Variants in SLC10A6 observed in about 807,000 individuals in gnomAD.
SLC10A6 encodes the protein solute carrier family 10 member 6, also known as sodium-dependent organic anion transporter.
Under a neutral mutation model 30.0 loss-of-function variants are expected in SLC10A6, and 27 were observed. The observed-to-expected ratio is 0.90, with a 90% CI of 0.66 to 1.24. SLC10A6 has a LOEUF of 1.24. Ranked by LOEUF, SLC10A6 falls within the 50% of genes most tolerant of loss-of-function variation. The pLI, the probability that SLC10A6 is intolerant of heterozygous loss-of-function variation, is 0.00. For missense variants in SLC10A6, 439 were observed against 457.0 expected (o/e 0.96, Z 0.36); for synonymous variants, 166 against 173.8 (o/e 0.95, Z 0.36).
Position 86,848,968 on chromosome 4 carries a change from C to G in SLC10A6, c.148G>C (p.Gly50Arg). The change falls in exon 1 of 6, where the codon GGA (glycine) becomes CGA (arginine). Residue 50 changes from glycine (G) to arginine (R), a missense_variant. By Grantham distance (125) the Gly-to-Arg change is moderately radical (BLOSUM62 -2). Transcript: ENST00000273905. ...VMMGLLMFSLGCSVEIRKLWS... is the reference protein window; with the variant it reads ...VMMGLLMFSLRCSVEIRKLWS... ...AGCTTCCGGATCTCCACGGAACATC[C>G]CAAAGAGAACATGAGCAGCCCCATC... 1 of 1,614,112 alleles carries G rather than the reference C, an allele frequency of 6.2e-7. No homozygotes were observed. Among genetic ancestry groups the G allele is most frequent in the Non-Finnish European group, 8.5e-7 (1 of 1,180,008 alleles).
Position 86,823,515 on chromosome 4 carries a change from A to C in SLC10A6, c.*173T>G, listed in dbSNP as rs1745916881. On this transcript the variant is annotated 3_prime_UTR_variant, in exon 6 of 6. Coordinates refer to ENST00000273905, the MANE Select transcript of SLC10A6 (RefSeq NM_197965.3). Reference sequence around the variant, plus strand: ...CCAGAAGAAACTCCCTGAAATGGGAATCTCCAAAAGTGATCCCATCACAAT... The same window carrying C: ...CCAGAAGAAACTCCCTGAAATGGGACTCTCCAAAAGTGATCCCATCACAAT... 1.9e-6 allele frequency: 1 copy of C among 536,458 alleles called. No homozygotes were observed. Among genetic ancestry groups the C allele is most frequent in the Non-Finnish European group, 3.1e-6 (1 of 317,670 alleles). The allele number at this position is 536,458 out of a possible 1,614,324, so 33.2% of individuals were successfully genotyped here. A position where few individuals can be genotyped will look rare whatever the true frequency, so the allele number is the denominator to read the frequency against.
Position 86,833,317 on chromosome 4 carries a change from T to G in SLC10A6, c.485A>C (p.Tyr162Ser), listed in dbSNP as rs764737716. 3 of 1,612,390 alleles carry G rather than the reference T, an allele frequency of 1.9e-6. No homozygotes were observed. Among genetic ancestry groups the G allele is most frequent in the Non-Finnish European group, 2.5e-6 (3 of 1,178,442 alleles). ...WSLQQNLTIP[Y>S]QNIGITLVCL... ...AGGCCCATACAGACCTATGTTCTGA[T>G]AAGGAATGGTGAGATTCTGCTGAAG... is the stretch of plus-strand genomic sequence containing the variant. Residue 162 changes from tyrosine to serine, a missense_variant, in exon 2 of 6, where the codon TAT becomes TCT. By Grantham distance (144) the Tyr-to-Ser change is moderately radical (BLOSUM62 -2). Transcript: ENST00000273905.
At chr4:86,833,276 T>TA in intron 2 of SLC10A6, 30 bp downstream of exon 2, 1 of 1,481,386 alleles carries the variant, frequency 6.8e-7, no homozygotes, top group Non-Finnish European at 9.4e-7. Context: ...CCATTACTGT[T>TA]AGTCCTCCAT....
At chr4:86,844,206 T>C (rs960753362) in intron 1 of SLC10A6, among the ~76,000 whole-genome samples, 6 of 152,094 alleles carry the variant, frequency 3.9e-5, no homozygotes, top group East Asian at 3.9e-4. Flanking sequence ...AATTAAAAAA[T>C]AGAAGTAAGG....
intron 1 of SLC10A6, among the ~76,000 whole-genome samples, chr4:86,847,678 C>A (rs947093542): frequency 1.3e-5 from 2 of 152,124 alleles, no homozygotes; most frequent in African/African-American, 4.8e-5. Flanking sequence ...ATACGCTAAA[C>A]ATTCAGCACA....
chr4:86,844,571 C>A (rs988669829), intron 1 of SLC10A6, among the ~76,000 whole-genome samples: 1 of 152,192 alleles, frequency 6.6e-6, no homozygotes, highest in East Asian at 1.9e-4. Context: ...AAAGCCAACA[C>A]TTCAAAAGAC....
At position 86,825,341 on chromosome 4, in the gene SLC10A6, T is replaced by C. The variant is rs6531933; in HGVS notation, c.919+79A>G. 0.013 allele frequency: 18,059 copies of C among 1,408,626 alleles called. 1,941 individuals carry two copies. The African/African-American group carries it at 0.23, about 18-fold the overall frequency. 87.3% of individuals were successfully genotyped at this position (1,408,626 alleles called of 1,614,324 possible). A position where few individuals can be genotyped will look rare whatever the true frequency, so the allele number is the denominator to read the frequency against. ...TATCACAGGGGCAGCACATGCAAGT[T>C]TGGATTGAAAAAAAAGTTGGTAAGT... On this transcript the variant is annotated intron_variant, in intron 5 of 5. Coordinates refer to ENST00000273905, the MANE Select transcript of SLC10A6 (RefSeq NM_197965.3).
chr4:86,827,875 C>T (rs1578753898), intron 4 of SLC10A6, 118 bp downstream of exon 4: 8 of 827,930 alleles, frequency 9.7e-6, no homozygotes, highest in African/African-American at 1.7e-5. Context: ...GTTATCCTGT[C>T]GATTCCACTA....
At chr4:86,827,038 G>A (rs1420137983) in intron 4 of SLC10A6, among the ~76,000 whole-genome samples, 1 of 152,108 alleles carries the variant, frequency 6.6e-6, no homozygotes, top group East Asian at 1.9e-4. Context: ...ACTTCTTTGA[G>A]ACTTTTGTCA....
At chr4:86,824,447 C>T (rs1351286301) in intron 5 of SLC10A6, among the ~76,000 whole-genome samples, 1 of 152,220 alleles carries the variant, frequency 6.6e-6, no homozygotes. Context: ...ATAATAATAA[C>T]AATCAGCAAT....
chr4:86,848,179 T>C (rs897159381), intron 1 of SLC10A6, among the ~76,000 whole-genome samples: 1 of 152,168 alleles, frequency 6.6e-6, no homozygotes, highest in African/African-American at 2.4e-5. Context: ...AGCCTTCGCA[T>C]TGCTCCTGAA....
chr4:86,823,736 A>G lies in SLC10A6; in HGVS notation c.1086T>C (p.Asp362=), dbSNP rs763648253. The G allele has an allele frequency of 1.3e-5, 21 of 1,613,904 alleles. No individual in the cohort carries two copies. The highest frequency in any genetic ancestry group is 6.6e-5 in the South Asian group (6 of 91,048). Residue 362 remains aspartate (D), a synonymous_variant, in exon 6 of 6, where the codon GAT becomes GAC. Coordinates refer to ENST00000273905, the MANE Select transcript of SLC10A6 (RefSeq NM_197965.3). ...AITPGPPGPM[D]CHRALEPVGH... ...CAACTGGCTCGAGAGCCCTGTGGCA[A>G]TCCATTGGCCCTGGTGGCCCAGGAG...
rs996025987 is a variant in SLC10A6 at position 86,826,919 on chromosome 4, G to T, written c.761+1074C>A. Among the ~76,000 whole-genome samples, 3 of 152,172 alleles carry T rather than the reference G, an allele frequency of 2.0e-5. No individual in the cohort carries two copies. The South Asian group carries it at 6.2e-4, about 32-fold the overall frequency. ...GGACTGGAATGGGGAAGTAACAAGG[G>T]TGTGTAATGAGGGGGTGAAAATGCT... On this transcript the variant is annotated intron_variant, in intron 4 of 5. Coordinates refer to ENST00000273905, the MANE Select transcript of SLC10A6 (RefSeq NM_197965.3).
chr4:86,832,399 G>GT (rs1324856385), intron 2 of SLC10A6, among the ~76,000 whole-genome samples: 9 of 152,212 alleles, frequency 5.9e-5, no homozygotes, highest in African/African-American at 1.9e-4. Flanking sequence ...GAGCTCAGGA[G>GT]TTTGAGACCA....
chr4:86,837,343 A>AGGCAGGCAGGCAGGC (rs1553899234), intron 1 of SLC10A6, among the ~76,000 whole-genome samples: 3 of 102,990 alleles, frequency 2.9e-5, no homozygotes, highest in African/African-American at 1.2e-4. Flanking sequence ...GGAAGGAAGG[A>AGGCAGGCAGGCAGGC]AGGCAGGCAG....
At chr4:86,833,002 C>G (rs1265548646) in intron 2 of SLC10A6, among the ~76,000 whole-genome samples, 1 of 150,738 alleles carries the variant, frequency 6.6e-6, no homozygotes, top group East Asian at 1.9e-4. Context: ...ATCTGGCTTT[C>G]TTTTTTTTTC....
intron 1 of SLC10A6, among the ~76,000 whole-genome samples, chr4:86,839,401 T>C (rs1460900069): frequency 6.6e-6 from 1 of 152,062 alleles, no homozygotes. Context: ...CAGTGAGCTA[T>C]GCTCACACCA....
chr4:86,842,812 TTC>T (rs1297273568), intron 1 of SLC10A6, among the ~76,000 whole-genome samples: 1 of 20,554 alleles, frequency 4.9e-5, no homozygotes, highest in Admixed American at 5.9e-4. Flanking sequence ...CTTTCTTTCT[TTC>T]TTTCTTTCTT....
chr4:86,833,366 A>G lies in SLC10A6; in HGVS notation c.436T>C (p.Tyr146His). 5 of 1,614,094 alleles carry G rather than the reference A, an allele frequency of 3.1e-6. No homozygotes were observed. The highest frequency in any genetic ancestry group is 4.2e-6 in the Non-Finnish European group (5 of 1,179,968). Residue 146 changes from tyrosine to histidine, a missense_variant, in exon 2 of 6, where the codon TAT (tyrosine) becomes CAT (histidine). Transcript: ENST00000273905. ...AGACTCCAGGACCAGGTGTAGAGAT[A>G]AATGCAGAGTGGCATCATTCCCAGG... ...AALGMMPLCI[Y>H]LYTWSWSLQQ...
Sources: gnomAD v4.1 joint callset for allele counts (sites outside exome capture counted in the v4.1 genomes callset) on GRCh38, gnomAD v4.1.1 for gene constraint, MANE v1.5 for transcripts, NCBI Gene and HGNC (gene_info 2026-07-23, HGNC 2026-07-21) for gene names.